Variants in TRIM44 observed in about 807,000 individuals in gnomAD.
TRIM44 encodes the protein tripartite motif-containing protein 44.
A neutral mutation model predicts 37.4 loss-of-function variants in TRIM44; 13 were observed. The observed-to-expected ratio is 0.35, with a 90% confidence interval of 0.23 to 0.55. The LOEUF (loss-of-function observed/expected upper bound fraction) is 0.55, where lower values mean the gene tolerates loss of function less well. Among genes scored for constraint, TRIM44 ranks in the 20% least tolerant of loss-of-function variants. The pLI, the probability that TRIM44 is intolerant of heterozygous loss-of-function variation, is 0.89. For missense variants in TRIM44, 426 were observed against 437.2 expected (o/e 0.97, Z 0.23); for synonymous variants, 175 against 157.2 (o/e 1.11, Z -0.85).
intron 1 of TRIM44, among the ~76,000 whole-genome samples, chr11:35,684,287 C>A (rs1465009085): frequency 6.6e-6 from 1 of 152,090 alleles, no homozygotes; most frequent in African/African-American, 2.4e-5. Flanking sequence ...GTTGAAATTG[C>A]ATGTTGTAAT....
chr11:35,787,607 C>G (rs959115214), intron 4 of TRIM44, among the ~76,000 whole-genome samples: 1 of 152,140 alleles, frequency 6.6e-6, no homozygotes, highest in Non-Finnish European at 1.5e-5. Flanking sequence ...TACAAATCTT[C>G]TTAGACACAT....
chr11:35,756,706 T>G (rs1590573508), intron 4 of TRIM44, among the ~76,000 whole-genome samples: 3 of 152,228 alleles, frequency 2.0e-5, no homozygotes, highest in Non-Finnish European at 2.9e-5. Context: ...TTGAGAGTTT[T>G]TAGCATGAAG....
chr11:35,680,142 G>T (rs964541947), intron 1 of TRIM44, among the ~76,000 whole-genome samples: 3 of 152,140 alleles, frequency 2.0e-5, no homozygotes, highest in Non-Finnish European at 4.4e-5. Context: ...AAAGGAAAAG[G>T]CCCCAGTATT....
At position 35,806,579 on chromosome 11, in the gene TRIM44, C is replaced by T. The variant is rs1327187931; in HGVS notation, c.*194C>T. On this transcript the variant is annotated 3_prime_UTR_variant, in exon 5 of 5. Transcript: ENST00000299413. The stretch of plus-strand genomic sequence containing the variant: ...TTATGCTTACTGTGTGCTTCTCATC[C>T]CCTGGTTGTGGTAGGTCAAGGAAAA... 2 of 597,666 alleles carry T rather than the reference C, an allele frequency of 3.3e-6. No individual in the cohort carries two copies. Among genetic ancestry groups the T allele is most frequent in the African/African-American group, 3.7e-5 (2 of 53,364 alleles). 37.0% of individuals were successfully genotyped at this position (597,666 alleles called of 1,614,324 possible). A position where few individuals can be genotyped will look rare whatever the true frequency, so the allele number is the denominator to read the frequency against.
At chr11:35,773,726 G>C (rs940247951) in intron 4 of TRIM44, among the ~76,000 whole-genome samples, 2 of 152,112 alleles carry the variant, frequency 1.3e-5, no homozygotes, top group African/African-American at 4.8e-5. Context: ...GCGGTGTTTG[G>C]TTTTCTGTCC....
At chr11:35,702,435 T>C (rs1158535414) in intron 2 of TRIM44, among the ~76,000 whole-genome samples, 1 of 152,220 alleles carries the variant, frequency 6.6e-6, no homozygotes, top group Non-Finnish European at 1.5e-5. Context: ...CTCCTGTTTC[T>C]GCGATTAAGG....
At chr11:35,707,381 A>G (rs1851900739) in intron 2 of TRIM44, among the ~76,000 whole-genome samples, 1 of 152,168 alleles carries the variant, frequency 6.6e-6, no homozygotes. Flanking sequence ...TGAAGCTACC[A>G]ATGACTTTCT....
chr11:35,703,317 C>T (rs995198817), intron 2 of TRIM44, among the ~76,000 whole-genome samples: 5 of 152,230 alleles, frequency 3.3e-5, no homozygotes, highest in African/African-American at 4.8e-5. Context: ...GTAGGCTCCA[C>T]CTGTGGGGGC....
chr11:35,662,791 T>G lies in TRIM44; in HGVS notation c.-321T>G, dbSNP rs1023965225. 7 of 230,918 alleles carry G rather than the reference T, an allele frequency of 3.0e-5. No homozygotes were observed. Among genetic ancestry groups the G allele is most frequent in the Non-Finnish European group, 5.0e-5 (6 of 120,728 alleles). 14.3% of individuals were successfully genotyped at this position (230,918 alleles called of 1,614,324 possible). On this transcript the variant is annotated 5_prime_UTR_variant, in exon 1 of 5. Transcript: ENST00000299413. ...GCGGGGGCCGGCGGCTGCCGCGATCTCTCCCTGGTAGCGGGAGGCTGAGCG... is the reference window on the plus strand; with the variant it reads ...GCGGGGGCCGGCGGCTGCCGCGATCGCTCCCTGGTAGCGGGAGGCTGAGCG...
chr11:35,735,752 A>G (rs1436057980), intron 4 of TRIM44, among the ~76,000 whole-genome samples: 2 of 152,142 alleles, frequency 1.3e-5, no homozygotes, highest in Admixed American at 1.3e-4. Flanking sequence ...TGGTAATGGT[A>G]TCAGGTGGAC....
In TRIM44 at chr11:35,806,441, G is replaced by A. The variant is rs981554335; in HGVS notation, c.*56G>A. The A allele has an allele frequency of 1.2e-5, 19 of 1,586,712 alleles. No homozygotes were observed. The East Asian group carries it at 2.2e-4, about 19-fold the overall frequency. On this transcript the variant is annotated 3_prime_UTR_variant, in exon 5 of 5. Coordinates refer to ENST00000299413, the MANE Select transcript of TRIM44 (RefSeq NM_017583.6). The stretch of plus-strand genomic sequence containing the variant: ...CCTCCCCTTGTGTGTATGTGACAGC[G>A]TGTATGTAACGGCTTCTGATTTCTG...
intron 4 of TRIM44, among the ~76,000 whole-genome samples, chr11:35,761,620 T>C (rs867769901): frequency 2.6e-5 from 4 of 152,228 alleles, no homozygotes; most frequent in Admixed American, 1.3e-4. Flanking sequence ...GTAGATACTA[T>C]TGTCATCTCT....
rs1265703445 is a variant in TRIM44, at chr11:35,810,130, G to T, written c.*3745G>T. 6.6e-6 allele frequency: 1 copy of T among 152,050 alleles called. No homozygotes were observed. The highest frequency in any genetic ancestry group is 1.5e-5 in the Non-Finnish European group (1 of 68,020). 9.4% of individuals were successfully genotyped at this position (152,050 alleles called of 1,614,324 possible). A position where few individuals can be genotyped will look rare whatever the true frequency, so the allele number is the denominator to read the frequency against. On this transcript the variant is annotated 3_prime_UTR_variant, in exon 5 of 5. Coordinates refer to ENST00000299413, the MANE Select transcript of TRIM44 (RefSeq NM_017583.6). Reference sequence around the variant, plus strand: ...CTCCTCCAGGATGTCTAATAAGATGGGAAACTTGGATGCCCAGCCATTTTG... The same window carrying T: ...CTCCTCCAGGATGTCTAATAAGATGTGAAACTTGGATGCCCAGCCATTTTG...
In TRIM44 at chr11:35,725,878, T is replaced by G. The variant is rs575590910; in HGVS notation, c.748-46T>G. 2.5e-5 allele frequency: 40 copies of G among 1,600,190 alleles called. No individual in the cohort carries two copies. The South Asian group carries it at 4.5e-4, about 18-fold the overall frequency. ...ATAGTAATAACTCTGCCCTTTTGTT[T>G]CTTTGTATGTTCAACTTATTCTTCT... On this transcript the variant is annotated intron_variant, in intron 2 of 4. Transcript: ENST00000299413.
chr11:35,784,052 A>G (rs1853098391), intron 4 of TRIM44, among the ~76,000 whole-genome samples: 1 of 152,218 alleles, frequency 6.6e-6, no homozygotes, highest in African/African-American at 2.4e-5. Context: ...GGGGAGCAGA[A>G]TGTGCTAGGC....
Position 35,791,385 on chromosome 11 carries a change from G to A in TRIM44, c.1008-14973G>A, listed in dbSNP as rs561382639. On this transcript the variant is annotated intron_variant, in intron 4 of 4. Transcript: ENST00000299413. ...ACACAGCCTGTATATTTTAAGCATA[G>A]CCCTTGTTCACATTTTGAAGTGCTG... 2.0e-5 allele frequency among the ~76,000 whole-genome samples: 3 copies of A among 152,132 alleles called. No homozygotes were observed. The South Asian group carries it at 6.2e-4, about 32-fold the overall frequency.
At chr11:35,701,431 A>G (rs773925098) in intron 2 of TRIM44, among the ~76,000 whole-genome samples, 6 of 152,180 alleles carry the variant, frequency 3.9e-5, no homozygotes, top group Admixed American at 1.3e-4. Flanking sequence ...CCAAATGACC[A>G]ATTTCTGTGC....
chr11:35,758,237 C>G (rs921125880), intron 4 of TRIM44, among the ~76,000 whole-genome samples: 1 of 151,996 alleles, frequency 6.6e-6, no homozygotes, highest in East Asian at 1.9e-4. Flanking sequence ...TGAATTGATC[C>G]CTTTGCCATT....
At chr11:35,717,077 C>G (rs1201790297) in intron 2 of TRIM44, among the ~76,000 whole-genome samples, 5 of 152,234 alleles carry the variant, frequency 3.3e-5, no homozygotes, top group African/African-American at 1.2e-4. Context: ...AGAAATGTAT[C>G]CAGGTAGAGA....
Sources: gnomAD v4.1 joint callset for allele counts (sites outside exome capture counted in the v4.1 genomes callset) on GRCh38, gnomAD v4.1.1 for gene constraint, MANE v1.5 for transcripts, NCBI Gene and HGNC (gene_info 2026-07-23, HGNC 2026-07-21) for gene names.